TLE1: variants seen among roughly 807,000 people sequenced by gnomAD.
TLE1 encodes TLE family member 1, transcriptional corepressor.
TLE1 carries 21 observed loss-of-function variants against 89.8 expected under a neutral mutation model. The ratio of observed to expected loss-of-function variants is 0.23; its 90% CI spans 0.17 to 0.34. The LOEUF (loss-of-function observed/expected upper bound fraction) is 0.34. Ranked by LOEUF, TLE1 falls within the 10% of genes least tolerant of loss-of-function variation. The probability of loss-of-function intolerance (pLI) is 1.00; values close to 1 mark genes in which losing one functional copy is unlikely to be tolerated. For synonymous variants in TLE1, 447 were observed against 407.6 expected (o/e 1.10, Z -1.16); for missense variants, 795 against 1,031.2 (o/e 0.77, Z 3.14).
At chr9:81,652,418 A>G (rs1829670998) in intron 5 of TLE1, 130 bp from the exon 6 acceptor site, 1 of 643,928 alleles carries the variant, frequency 1.6e-6, no homozygotes, top group Non-Finnish European at 2.7e-6. Context: ...GAATTTCTCA[A>G]CCACACTTTA....
At chr9:81,607,739 G>A (rs1443753500) in intron 14 of TLE1, among the ~76,000 whole-genome samples, 1 of 151,978 alleles carries the variant, frequency 6.6e-6, no homozygotes, top group East Asian at 1.9e-4. Context: ...TGGAAGCAGG[G>A]GGGCATTCCC....
At chr9:81,652,426 T>TGA (rs1416094243) in intron 5 of TLE1, 138 bp from the exon 6 acceptor site, 2 of 634,192 alleles carry the variant, frequency 3.2e-6, no homozygotes, top group Non-Finnish European at 5.5e-6. Flanking sequence ...CAACCACACT[T>TGA]TATTTTCACA....
chr9:81,641,169 C>A (rs1828061678), intron 6 of TLE1, among the ~76,000 whole-genome samples: 1 of 152,174 alleles, frequency 6.6e-6, no homozygotes, highest in African/African-American at 2.4e-5. Flanking sequence ...TTTCCCTGTT[C>A]TTTAAAACAC....
chr9:81,676,098 A>C (rs1048057937), intron 4 of TLE1, among the ~76,000 whole-genome samples: 2 of 152,118 alleles, frequency 1.3e-5, no homozygotes, highest in Admixed American at 1.3e-4. Flanking sequence ...CGTTGGGCAA[A>C]GCTATCCTGG....
rs1032154293 is a variant in TLE1 at position 81,685,605 on chromosome 9, G to C, written c.234+71C>G. The stretch of plus-strand genomic sequence containing the variant: ...CCCCACCCCTAGAGCCCACTACTGA[G>C]AACAAAGCCAGTATTATTAAATCAT... On this transcript the variant is annotated intron_variant, in intron 4 of 19. Coordinates refer to ENST00000376499, the MANE Select transcript of TLE1 (RefSeq NM_005077.5). 9.2e-6 allele frequency: 14 copies of C among 1,530,050 alleles called. No homozygotes were observed. In the African/African-American group the frequency reaches 1.8e-4, roughly 19 times the overall value. 94.8% of individuals were successfully genotyped at this position (1,530,050 alleles called of 1,614,324 possible). A position where few individuals can be genotyped will look rare whatever the true frequency, so the allele number is the denominator to read the frequency against.
At chr9:81,610,129 A>G (rs1354800873) in intron 14 of TLE1, 91 bp downstream of exon 14, 1 of 1,173,526 alleles carries the variant, frequency 8.5e-7, no homozygotes, top group East Asian at 2.4e-5. Context: ...GGAAACGCCC[A>G]AGCCTGTACT....
intron 2 of TLE1, among the ~76,000 whole-genome samples, chr9:81,687,079 C>T (rs1265352041): frequency 6.6e-6 from 1 of 152,138 alleles, no homozygotes; most frequent in Non-Finnish European, 1.5e-5. Flanking sequence ...CATGCAACTC[C>T]TAAAGACATG....
intron 5 of TLE1, among the ~76,000 whole-genome samples, chr9:81,653,180 C>G (rs951485855): frequency 1.3e-5 from 2 of 152,188 alleles, no homozygotes; most frequent in African/African-American, 4.8e-5. Context: ...GAGGCTGTTA[C>G]AACAATAATG....
In TLE1 at chr9:81,644,758, C is replaced by A. The variant is rs536251559; in HGVS notation, c.372+7456G>T. 4.6e-5 allele frequency among the ~76,000 whole-genome samples: 7 copies of A among 152,192 alleles called. 1 individual carries two copies. The highest frequency in any genetic ancestry group is 1.7e-4 in the African/African-American group (7 of 41,514). On this transcript the variant is annotated intron_variant, in intron 6 of 19. Transcript: ENST00000376499. ...CCTGTAATCCCAGCACTTTGGGAGG[C>A]AGAGACAGGTGAATCACCTGAGGTC...
chr9:81,652,133 A>G, intron 6 of TLE1, 81 bp downstream of exon 6: 1 of 1,379,340 alleles, frequency 7.2e-7, no homozygotes, highest in Non-Finnish European at 1.0e-6. Context: ...ACACACACAC[A>G]CACACGTAAA....
intron 14 of TLE1, among the ~76,000 whole-genome samples, chr9:81,593,818 A>G (rs1829866614): frequency 6.6e-6 from 1 of 152,204 alleles, no homozygotes; most frequent in African/African-American, 2.4e-5. Flanking sequence ...GGAAGAGAAA[A>G]TAAGAGATTA....
chr9:81,665,235 G>A (rs973801968), intron 4 of TLE1, among the ~76,000 whole-genome samples: 9 of 152,164 alleles, frequency 5.9e-5, no homozygotes, highest in African/African-American at 2.2e-4. Context: ...ATTCATTTAA[G>A]TTATTCCACC....
intron 6 of TLE1, among the ~76,000 whole-genome samples, 187 bp from the exon 7 acceptor site, chr9:81,634,488 GA>G (rs2132371336): frequency 6.6e-6 from 1 of 152,094 alleles, no homozygotes; most frequent in East Asian, 1.9e-4. Flanking sequence ...GAAAAAATGC[GA>G]TTAGTGCTTT....
Position 81,661,024 on chromosome 9 carries a change from G to A in TLE1, c.235-6988C>T, listed in dbSNP as rs887102536. Among the ~76,000 whole-genome samples, 7 of 149,180 alleles carry A rather than the reference G, an allele frequency of 4.7e-5. No individual in the cohort carries two copies. The Admixed American group carries it at 4.7e-4, about 10-fold the overall frequency. ...ACGTGCCTGTAGTTCCAGCTACTCA[G>A]AAGCCTGAGGCAGAATTGCTTGAAC... On this transcript the variant is annotated intron_variant, in intron 4 of 19. Transcript: ENST00000376499.
At chr9:81,607,710 C>T (rs1315878447) in intron 14 of TLE1, among the ~76,000 whole-genome samples, 1 of 152,062 alleles carries the variant, frequency 6.6e-6, no homozygotes, top group African/African-American at 2.4e-5. Flanking sequence ...CTCGCAAGTG[C>T]CCCAAGGACC....
At chr9:81,675,697 A>ATTTTTTTTTTTTTTTTTTTTTT (rs1832783096) in intron 4 of TLE1, among the ~76,000 whole-genome samples, 1 of 99,814 alleles carries the variant, frequency 1.0e-5, no homozygotes, top group African/African-American at 4.8e-5. Context: ...GACTCACACT[A>ATTTTTTTTTTTTTTTTTTTTTT]GTTTTTTTTT....
Position 81,688,333 on chromosome 9 carries a change from A to T in TLE1, c.-93T>A. ...CCCGCCGAGGAAAATTAAGCCGGAA[A>T]GCCAAGCAGAAGCGGGGAGCGCGCT... On this transcript the variant is annotated 5_prime_UTR_variant, in exon 1 of 20. Transcript: ENST00000376499. 7.3e-7 allele frequency: 1 copy of T among 1,363,470 alleles called. No homozygotes were observed. 84.5% of individuals were successfully genotyped at this position (1,363,470 alleles called of 1,614,324 possible).
chr9:81,637,088 T>A (rs1009967484), intron 6 of TLE1, among the ~76,000 whole-genome samples: 1 of 151,554 alleles, frequency 6.6e-6, no homozygotes, highest in Non-Finnish European at 1.5e-5. Context: ...CTGGGGAAGG[T>A]GGGTCATGCC....
chr9:81,595,629 T>C (rs530649567), intron 14 of TLE1, among the ~76,000 whole-genome samples: 59 of 152,086 alleles, frequency 3.9e-4, no homozygotes, highest in Admixed American at 3.1e-3. Flanking sequence ...CCATCCTGGC[T>C]AACAGAGTGA....
Sources: allele counts gnomAD v4.1 joint callset (sites outside exome capture counted in the v4.1 genomes callset), GRCh38; gene constraint gnomAD v4.1.1; transcripts MANE v1.5; gene names NCBI Gene and HGNC (gene_info 2026-07-23, HGNC 2026-07-21).